The following MAGEB10 variants were observed in gnomAD, a reference collection of about 807,000 sequenced individuals.
MAGEB10 encodes MAGE family member B10.
For missense variants in MAGEB10, 190 were observed against 261.9 expected, an observed-to-expected ratio of 0.73 and a Z score of 1.89; for synonymous variants, 99 against 101.0, an observed-to-expected ratio of 0.98 and a Z score of 0.12.
At chrX:27,808,555 G>A (rs1020069562) in intron 1 of MAGEB10, among the ~76,000 whole-genome samples, 1 of 111,614 alleles carries the variant, frequency 9.0e-6, no homozygotes, top group African/African-American at 3.3e-5. Flanking sequence ...GTAAGGCAAA[G>A]ACACTGAATA....
At chrX:27,808,134 G>A (rs1602858613) in intron 1 of MAGEB10, 98 bp downstream of exon 1, 1 of 112,705 alleles carries the variant, frequency 8.9e-6, no homozygotes, top group Non-Finnish European at 1.9e-5. Context: ...CAAAAGCCCC[G>A]GGCAGGGATC....
chrX:27,818,043 T>C (rs1207807631), intron 2 of MAGEB10, among the ~76,000 whole-genome samples: 1 of 110,911 alleles, frequency 9.0e-6, no homozygotes, highest in Non-Finnish European at 1.9e-5. Flanking sequence ...TGGTGGTGTC[T>C]TGGACAACTT....
intron 1 of MAGEB10, chrX:27,812,536 C>T (rs1923711568): frequency 6.1e-6 from 1 of 163,695 alleles, no homozygotes; most frequent in East Asian, 1.7e-4. Context: ...AATTGTGCCC[C>T]TGAGGAGGAA....
chrX:27,818,889 T>C (rs1392984212), intron 2 of MAGEB10, among the ~76,000 whole-genome samples: 2 of 111,720 alleles, frequency 1.8e-5, no homozygotes, highest in Non-Finnish European at 3.8e-5. Flanking sequence ...ACATGATCTG[T>C]AGTAAAATTT....
Position 27,822,285 on chromosome X carries a change from C to CT in MAGEB10, c.979_980insT (p.Arg327LeufsTer3). Reference sequence around the variant, plus strand: ...CAGAGCCAGAGTTGCAGCCAAGGCTCGCGTTAGTGCCACAGCCGGTGCACG... The same window carrying CT: ...CAGAGCCAGAGTTGCAGCCAAGGCTCTGCGTTAGTGCCACAGCCGGTGCACG... On this transcript the variant is annotated frameshift_variant, in exon 3 of 3. Transcript: ENST00000356790. LOFTEE classifies it low-confidence loss of function (END_TRUNC). 8.3e-7 allele frequency: 1 copy of CT among 1,211,423 alleles called. No homozygotes were observed. The highest frequency in any genetic ancestry group is 1.7e-5 in the African/African-American group (1 of 57,778).
intron 2 of MAGEB10, among the ~76,000 whole-genome samples, chrX:27,818,335 G>GC (rs893000838): frequency 1.8e-5 from 2 of 110,896 alleles, no homozygotes; most frequent in African/African-American, 6.6e-5. Context: ...TGTATATGTG[G>GC]CCCCCCTTGA....
chrX:27,821,500 G>A lies in MAGEB10; in HGVS notation c.194G>A (p.Arg65Gln), dbSNP rs12557898. The A allele has an allele frequency of 0.45, 538,092 of 1,207,182 alleles. 87,834 individuals are homozygous for A. The highest frequency in any genetic ancestry group is 0.49 in the Non-Finnish European group (441,598 of 893,869). ...GCATCCAACAATCCCCATGGACTTC[G>A]GGAAGCCCAATCCACCAGCACATCT... ...DGASNNPHGL[R>Q]EAQSTSTSAT... The change falls in exon 3 of 3, where the codon CGG (arginine) becomes CAG (glutamine). Residue 65 changes from arginine to glutamine, a missense_variant. Arg to Gln is a conservative substitution (Grantham distance 43, BLOSUM62 1). Transcript: ENST00000356790.
At chrX:27,820,070 C>T (rs1385587840) in intron 2 of MAGEB10, among the ~76,000 whole-genome samples, 1 of 110,563 alleles carries the variant, frequency 9.0e-6, no homozygotes, top group Non-Finnish European at 1.9e-5. Context: ...AAGGTTACAG[C>T]CTCAGGCCAG....
At chrX:27,816,257 A>G (rs913382302) in intron 1 of MAGEB10, among the ~76,000 whole-genome samples, 1 of 111,497 alleles carries the variant, frequency 9.0e-6, no homozygotes. Context: ...TATATTTGCA[A>G]AGTGCCTTTG....
At chrX:27,809,831 C>A (rs1026420012) in intron 1 of MAGEB10, among the ~76,000 whole-genome samples, 1 of 104,919 alleles carries the variant, frequency 9.5e-6, no homozygotes, top group African/African-American at 3.5e-5. Flanking sequence ...CTGTATCTAG[C>A]TCAAGGTTTG....
intron 2 of MAGEB10, among the ~76,000 whole-genome samples, chrX:27,818,160 G>T (rs1923815830): frequency 9.0e-6 from 1 of 110,932 alleles, no homozygotes; most frequent in African/African-American, 3.3e-5. Flanking sequence ...CACTTCTCAG[G>T]CAGAGTGTGG....
chrX:27,821,893 C>T lies in MAGEB10; in HGVS notation c.587C>T (p.Thr196Ile), dbSNP rs1376945054. ...TGTGATGCAAAGCTGAGTGATGAAA[C>T]AGGCGTGCCCAAGACTGGCCTGCTG... ...LGCDAKLSDE[T>I]GVPKTGLLMT... The change falls in exon 3 of 3, where the codon ACA becomes ATA. Residue 196 changes from threonine (T) to isoleucine (I), a missense_variant. Transcript: ENST00000356790. The T allele has an allele frequency of 5.0e-6, 6 of 1,211,613 alleles. No individual in the cohort carries two copies. The highest frequency in any genetic ancestry group is 5.6e-6 in the Non-Finnish European group (5 of 895,515).
At chrX:27,809,033 T>C (rs928550089) in intron 1 of MAGEB10, among the ~76,000 whole-genome samples, 5 of 112,683 alleles carry the variant, frequency 4.4e-5, no homozygotes, top group African/African-American at 1.6e-4. Flanking sequence ...GCTCCCACTT[T>C]GGTGGCACTT....
At chrX:27,809,307 C>T (rs1247440531) in intron 1 of MAGEB10, among the ~76,000 whole-genome samples, 1 of 106,153 alleles carries the variant, frequency 9.4e-6, no homozygotes, top group Non-Finnish European at 2.0e-5. Context: ...CTCAATTTCT[C>T]GCCAGGCCTT....
At chrX:27,819,374 A>G (rs757313597) in intron 2 of MAGEB10, among the ~76,000 whole-genome samples, 1 of 111,556 alleles carries the variant, frequency 9.0e-6, no homozygotes, top group Admixed American at 9.5e-5. Flanking sequence ...GGCTTCCCCA[A>G]CTTCTGACTC....
At chrX:27,813,391 A>G (rs141593576) in intron 1 of MAGEB10, among the ~76,000 whole-genome samples, 1,288 of 112,353 alleles carry the variant, frequency 0.011, 17 homozygotes, top group South Asian at 0.018. Flanking sequence ...TTATTCAACA[A>G]TGTAGGAGAA....
chrX:27,814,498 C>A (rs921691517), intron 1 of MAGEB10, among the ~76,000 whole-genome samples: 1 of 111,831 alleles, frequency 8.9e-6, no homozygotes, highest in Non-Finnish European at 1.9e-5. Context: ...TGCTAAGCGG[C>A]ATTTTTGGTT....
At chrX:27,814,336 G>A (rs1197262223) in intron 1 of MAGEB10, among the ~76,000 whole-genome samples, 3 of 111,262 alleles carry the variant, frequency 2.7e-5, no homozygotes, top group Non-Finnish European at 5.7e-5. Context: ...TGAAAATAGG[G>A]GTGGTTTGGA....
At chrX:27,817,799 G>A (rs1263788264) in intron 2 of MAGEB10, 97 bp downstream of exon 2, 6 of 111,713 alleles carry the variant, frequency 5.4e-5, no homozygotes, top group African/African-American at 1.6e-4. Context: ...TTTACTTTGA[G>A]AAGAAAGGAT....
Sources: allele counts gnomAD v4.1 joint callset (sites outside exome capture counted in the v4.1 genomes callset), GRCh38; gene constraint gnomAD v4.1.1; transcripts MANE v1.5; gene names NCBI Gene and HGNC (gene_info 2026-07-23, HGNC 2026-07-21).